Variants in SAMD5 observed in about 807,000 individuals in gnomAD.
SAMD5 encodes sterile alpha motif domain containing 5.
SAMD5 carries 13 observed loss-of-function variants against 11.3 expected under a neutral mutation model. That is an observed-to-expected ratio of 1.15 (90% confidence interval 0.75 to 1.83). The LOEUF is 1.83. SAMD5 is among the 40% of genes most tolerant of loss of function. SAMD5 has a pLI of 0.00. For synonymous variants in SAMD5, 129 were observed against 111.3 expected, an observed-to-expected ratio of 1.16 and a Z score of -1.00; for missense variants, 255 against 239.1, an observed-to-expected ratio of 1.07 and a Z score of -0.44.
intron 1 of SAMD5, chr6:147,660,878 G>T (rs560958522): frequency 6.6e-6 from 1 of 152,336 alleles, no homozygotes; most frequent in African/African-American, 2.4e-5. Context: ...GTTCTATATA[G>T]CAGTGCAAGA....
chr6:147,896,481 G>A, the SAMD5 span, among the ~76,000 whole-genome samples: 2 of 151,988 alleles, frequency 1.3e-5, no homozygotes, highest in African/African-American at 4.8e-5. Context: ...AGGAGAGGAG[G>A]TACATGGTCC....
the SAMD5 span, among the ~76,000 whole-genome samples, chr6:147,855,613 C>T: frequency 4.6e-5 from 7 of 152,130 alleles, no homozygotes; most frequent in African/African-American, 1.4e-4. Context: ...TTTGTTCCAA[C>T]TCTTATAGTT....
At chr6:147,790,353 C>A in the SAMD5 span, among the ~76,000 whole-genome samples, 2 of 152,168 alleles carry the variant, frequency 1.3e-5, no homozygotes, top group Non-Finnish European at 2.9e-5. Context: ...CCCAAAAGAT[C>A]AAAATGCCTA....
chr6:147,551,807 ATATGT>A (rs1788775672), intron 1 of SAMD5, among the ~76,000 whole-genome samples: 1 of 84,902 alleles, frequency 1.2e-5, no homozygotes, highest in Admixed American at 1.3e-4. Flanking sequence ...ATTCTTATAT[ATATGT>A]TATATATATA....
At chr6:147,812,130 A>G in the SAMD5 span, among the ~76,000 whole-genome samples, 1 of 152,298 alleles carries the variant, frequency 6.6e-6, no homozygotes, top group South Asian at 2.1e-4. Context: ...GGACTCAGCT[A>G]TTTCAGAGAG....
chr6:147,549,026 A>G (rs1788727380), intron 1 of SAMD5, among the ~76,000 whole-genome samples: 1 of 152,170 alleles, frequency 6.6e-6, no homozygotes, highest in African/African-American at 2.4e-5. Context: ...TCCCTTAGTC[A>G]CAATGACTGG....
chr6:147,847,677 A>AC, the SAMD5 span, among the ~76,000 whole-genome samples: 2 of 152,034 alleles, frequency 1.3e-5, 1 homozygote, highest in South Asian at 4.2e-4. Context: ...AGGTGGTGAA[A>AC]CCCCATCTCT....
intron 1 of SAMD5, among the ~76,000 whole-genome samples, chr6:147,646,010 CTA>C (rs1562341806): frequency 2.2e-4 from 9 of 40,474 alleles, no homozygotes; most frequent in East Asian, 1.8e-3. Flanking sequence ...GTCTGTCTGT[CTA>C]TGTATCTATC....
chr6:147,849,344 G>T, the SAMD5 span, among the ~76,000 whole-genome samples: 6 of 151,968 alleles, frequency 3.9e-5, no homozygotes, highest in African/African-American at 1.5e-4. Flanking sequence ...TAATTTTGAA[G>T]ACATTGCTTT....
At chr6:147,745,776 T>C in the SAMD5 span, among the ~76,000 whole-genome samples, 1 of 141,906 alleles carries the variant, frequency 7.0e-6, no homozygotes, top group African/African-American at 2.8e-5. Context: ...TTTCTTTCTT[T>C]CTTTTTTTTT....
the SAMD5 span, among the ~76,000 whole-genome samples, chr6:147,867,409 A>AT: frequency 1.3e-5 from 2 of 151,838 alleles, no homozygotes; most frequent in East Asian, 3.9e-4. Flanking sequence ...TTCCTGTGAA[A>AT]CCTTGGTGGA....
the SAMD5 span, among the ~76,000 whole-genome samples, chr6:147,923,215 G>A: frequency 2.0e-5 from 3 of 152,158 alleles, no homozygotes; most frequent in African/African-American, 7.2e-5. Context: ...TCCAGAATGC[G>A]GGTTTATAAC....
chr6:147,597,058 A>T (rs1214081438), intron 1 of SAMD5, among the ~76,000 whole-genome samples: 1 of 152,154 alleles, frequency 6.6e-6, no homozygotes, highest in Non-Finnish European at 1.5e-5. Flanking sequence ...CTGAGGAATC[A>T]CCTGGATTCA....
chr6:147,805,216 T>C, the SAMD5 span, among the ~76,000 whole-genome samples: 3 of 152,250 alleles, frequency 2.0e-5, no homozygotes, highest in Non-Finnish European at 4.4e-5. Context: ...AAGAATTTTC[T>C]TGTGCTTCTG....
the SAMD5 span, among the ~76,000 whole-genome samples, chr6:147,894,305 G>T: frequency 1.3e-5 from 2 of 152,122 alleles, no homozygotes; most frequent in Admixed American, 1.3e-4. Context: ...TATATTTTTA[G>T]TAGAGACGGG....
chr6:147,896,755 A>AAAAAAAACAAACAAAC, the SAMD5 span, among the ~76,000 whole-genome samples: 2 of 142,422 alleles, frequency 1.4e-5, no homozygotes, highest in African/African-American at 5.5e-5. Context: ...AAAAAAAAAA[A>AAAAAAAACAAACAAAC]AAAAAAAACG....
the SAMD5 span, among the ~76,000 whole-genome samples, chr6:147,870,443 TGTGTGA>T: frequency 5.7e-4 from 65 of 115,028 alleles, no homozygotes; most frequent in African/African-American, 1.7e-3. Flanking sequence ...TGTGTGTGTG[TGTGTGA>T]GTGTGTGTGT....
Position 147,566,838 on chromosome 6 carries a change from A to C in SAMD5, c.*2382A>C, listed in dbSNP as rs1195411980. The C allele has an allele frequency of 5.1e-6, 5 of 978,774 alleles. No homozygotes were observed. Among genetic ancestry groups the C allele is most frequent in the Non-Finnish European group, 4.9e-6 (4 of 823,994 alleles). 60.6% of individuals were successfully genotyped at this position (978,774 alleles called of 1,614,324 possible). A position where few individuals can be genotyped will look rare whatever the true frequency, so the allele number is the denominator to read the frequency against. On this transcript the variant is annotated 3_prime_UTR_variant, in exon 2 of 2. Transcript: ENST00000367474. ...AAAATCAAGATGAGGTAAGAGGTAG[A>C]ATATAAGAGAAAGGGATTATTTTTA...
the SAMD5 span, among the ~76,000 whole-genome samples, chr6:147,934,111 T>C: frequency 6.6e-6 from 1 of 152,208 alleles, no homozygotes; most frequent in African/African-American, 2.4e-5. Flanking sequence ...CCTTGTATTA[T>C]AAGCATTTTA....
Sources: gnomAD v4.1 joint callset for allele counts (sites outside exome capture counted in the v4.1 genomes callset) on GRCh38, gnomAD v4.1.1 for gene constraint, MANE v1.5 for transcripts, NCBI Gene and HGNC (gene_info 2026-07-23, HGNC 2026-07-21) for gene names.